PPP6R2: variants seen among roughly 807,000 people sequenced by gnomAD.
PPP6R2 encodes protein phosphatase 6 regulatory subunit 2, also known as serine/threonine-protein phosphatase 6 regulatory subunit 2.
A neutral mutation model predicts 100.2 loss-of-function variants in PPP6R2; 62 were observed. The observed-to-expected ratio is 0.62, with a 90% CI of 0.50 to 0.76. PPP6R2 has a LOEUF of 0.76. PPP6R2 is among the 30% of genes least tolerant of loss of function. PPP6R2 has a pLI of 0.00. For missense variants in PPP6R2, 1,142 were observed against 1,276.3 expected, an observed-to-expected ratio of 0.89 and a Z score of 1.60; for synonymous variants, 525 against 514.7, an observed-to-expected ratio of 1.02 and a Z score of -0.27.
rs144577592 is a variant in PPP6R2, at chr22:50,406,204, G to A, written c.228-485G>A. Among the ~76,000 whole-genome samples, 193 of 144,234 alleles carry A rather than the reference G, an allele frequency of 1.3e-3. 1 individual carries two copies. Among genetic ancestry groups the A allele is most frequent in the African/African-American group, 5.0e-3 (188 of 37,956 alleles). The allele number at this position is 144,234 out of a possible 152,430, so 94.6% of individuals were successfully genotyped here. A position where few individuals can be genotyped will look rare whatever the true frequency, so the allele number is the denominator to read the frequency against. ...AGAGGTGAGAGGCCTGGAGAGAGGTGAGAGACCTGGAGAGAGGCGAGAGGC... is the reference window on the plus strand; with the variant it reads ...AGAGGTGAGAGGCCTGGAGAGAGGTAAGAGACCTGGAGAGAGGCGAGAGGC... On this transcript the variant is annotated intron_variant, in intron 3 of 23. Coordinates refer to ENST00000612753, the MANE Select transcript of PPP6R2 (RefSeq NM_001242898.2).
chr22:50,359,001 C>A (rs868774258), intron 1 of PPP6R2, among the ~76,000 whole-genome samples: 1 of 107,086 alleles, frequency 9.3e-6, no homozygotes, highest in South Asian at 4.0e-4. Context: ...CCCCCCCCCC[C>A]CCCCCAACTC....
At chr22:50,421,271 TGTGATAGAGG>T (rs1329170147) in intron 8 of PPP6R2, among the ~76,000 whole-genome samples, 1 of 152,230 alleles carries the variant, frequency 6.6e-6, no homozygotes, top group Admixed American at 6.5e-5. Context: ...TAACCCTGTA[TGTGATAGAGG>T]GGACTGTGTA....
At chr22:50,331,737 C>T in the PPP6R2 span, among the ~76,000 whole-genome samples, 14 of 152,154 alleles carry the variant, frequency 9.2e-5, no homozygotes, top group African/African-American at 3.4e-4. Context: ...ATTCTCCTGC[C>T]TCAGCCTCCC....
intron 2 of PPP6R2, among the ~76,000 whole-genome samples, chr22:50,392,482 C>T (rs1031962325): frequency 3.9e-5 from 6 of 152,214 alleles, no homozygotes; most frequent in Non-Finnish European, 7.3e-5. Flanking sequence ...ACCTCTAAGC[C>T]CATGGGCAGT....
intron 1 of PPP6R2, among the ~76,000 whole-genome samples, chr22:50,348,652 G>C (rs551425136): frequency 6.6e-6 from 1 of 152,244 alleles, no homozygotes; most frequent in South Asian, 2.1e-4. Context: ...TGAGAAGTCC[G>C]AGGGTCACTA....
upstream of PPP6R2, among the ~76,000 whole-genome samples, chr22:50,342,092 G>C (rs922540472): frequency 9.9e-5 from 15 of 152,164 alleles, no homozygotes; most frequent in African/African-American, 3.6e-4. Context: ...ACGTGCTCAC[G>C]GCAGCAGGAG....
Position 50,414,656 on chromosome 22 carries a change from G to A in PPP6R2, c.519G>A (p.Val173=). The A allele has an allele frequency of 6.2e-7, 1 of 1,613,158 alleles. No individual in the cohort carries two copies. Among genetic ancestry groups the A allele is most frequent in the Non-Finnish European group, 8.5e-7 (1 of 1,179,962 alleles). Residue 173 remains valine (V), a synonymous_variant, in exon 5 of 24, where the codon GTG becomes GTA. Transcript: ENST00000612753. The part of the protein sequence containing the change: ...MDLLLRLVSC[V]EPAGLRQDVL... ...TGCTGCTGCGCCTGGTCAGCTGTGT[G>A]GAGCCAGCCGGGCTCCGGCAGGACG...
intron 3 of PPP6R2, among the ~76,000 whole-genome samples, chr22:50,401,288 A>G (rs1603231212): frequency 6.6e-6 from 1 of 151,644 alleles, no homozygotes; most frequent in African/African-American, 2.4e-5. Context: ...GCTCACTGCA[A>G]CCTTCACCTC....
chr22:50,340,982 C>T (rs2042364227), upstream of PPP6R2, among the ~76,000 whole-genome samples: 1 of 152,110 alleles, frequency 6.6e-6, no homozygotes, highest in South Asian at 2.1e-4. Flanking sequence ...GTGATCTTGG[C>T]TCGCTGCAAC....
At chr22:50,433,450 C>T (rs1220142948) in intron 12 of PPP6R2, among the ~76,000 whole-genome samples, 7 of 43,524 alleles carry the variant, frequency 1.6e-4, no homozygotes, top group East Asian at 2.3e-3. Context: ...GGGCACTTGC[C>T]CTGGAGGTGA....
upstream of PPP6R2, among the ~76,000 whole-genome samples, chr22:50,339,437 G>A (rs567122432): frequency 1.1e-4 from 12 of 104,756 alleles, no homozygotes; most frequent in South Asian, 7.2e-4. Context: ...GTGTGTTTAC[G>A]GTGTGTGTTG....
chr22:50,444,310 C>T lies in PPP6R2; in HGVS notation c.*63C>T. ...CTGCCTCCTTAATCGAGAAAACTAC[C>T]TGGTGATGCAATCTTTTTTTTTTTT... On this transcript the variant is annotated 3_prime_UTR_variant, in exon 24 of 24. Coordinates refer to ENST00000612753, the MANE Select transcript of PPP6R2 (RefSeq NM_001242898.2). 1 of 1,509,732 alleles carries T rather than the reference C, an allele frequency of 6.6e-7. No individual in the cohort carries two copies. Among genetic ancestry groups the T allele is most frequent in the Non-Finnish European group, 9.0e-7 (1 of 1,114,548 alleles). The allele number at this position is 1,509,732 out of a possible 1,614,324, so 93.5% of individuals were successfully genotyped here. A position where few individuals can be genotyped will look rare whatever the true frequency, so the allele number is the denominator to read the frequency against.
intron 4 of PPP6R2, among the ~76,000 whole-genome samples, chr22:50,414,342 C>A (rs956058333): frequency 1.2e-4 from 8 of 64,416 alleles, no homozygotes; most frequent in East Asian, 3.3e-4. Flanking sequence ...CCCCCCCCCC[C>A]CCCCCCCCGC....
chr22:50,438,296 C>T lies in PPP6R2; in HGVS notation c.1962C>T (p.Pro654=). 1 of 1,611,114 alleles carries T rather than the reference C, an allele frequency of 6.2e-7. No individual in the cohort carries two copies. Among genetic ancestry groups the T allele is most frequent in the Non-Finnish European group, 8.5e-7 (1 of 1,178,700 alleles). ...TRCAARVMAR[P]RFGAPHASES... ...GTGCTGCCCGGGTGATGGCCAGACC[C>T]AGGTGCGGGGCCTGCCCATCCCCAC... Residue 654 remains proline, a splice_region_variant and synonymous_variant, in exon 18 of 24, where the codon CCC becomes CCT. Coordinates refer to ENST00000612753, the MANE Select transcript of PPP6R2 (RefSeq NM_001242898.2).
chr22:50,437,479 GTCCCTCCC>G lies in PPP6R2; in HGVS notation c.1684-10_1684-3del, dbSNP rs369985953. The G allele has an allele frequency of 2.6e-5, 20 of 776,286 alleles. No individual in the cohort carries two copies. The highest frequency in any genetic ancestry group is 4.1e-5 in the South Asian group (3 of 72,884). 48.1% of individuals were successfully genotyped at this position (776,286 alleles called of 1,614,324 possible). A position where few individuals can be genotyped will look rare whatever the true frequency, so the allele number is the denominator to read the frequency against. ...CCTCCTCCATGACCGGTGTCTGTCCGTCCCTCCCTCCCTCCCTCCCTCCCAGGCCTTCT... is the reference window on the plus strand; with the variant it reads ...CCTCCTCCATGACCGGTGTCTGTCCGTCCCTCCCTCCCTCCCAGGCCTTCT... On this transcript the variant is annotated intron_variant, in intron 15 of 23. Transcript: ENST00000612753.
At chr22:50,366,726 G>A (rs2048839710) in intron 1 of PPP6R2, among the ~76,000 whole-genome samples, 1 of 151,982 alleles carries the variant, frequency 6.6e-6, no homozygotes, top group African/African-American at 2.4e-5. Context: ...AGCATTTGCT[G>A]TGAGCTCTGC....
chr22:50,381,994 G>T (rs1395021721), intron 2 of PPP6R2, among the ~76,000 whole-genome samples: 1 of 151,504 alleles, frequency 6.6e-6, no homozygotes, highest in East Asian at 1.9e-4. Flanking sequence ...CTTTATTCTT[G>T]TAAGGAAAAG....
At chr22:50,369,277 CTG>C in intron 1 of PPP6R2, among the ~76,000 whole-genome samples, 1 of 148,356 alleles carries the variant, frequency 6.7e-6, no homozygotes, top group South Asian at 2.2e-4. Context: ...ATTTTGAAAA[CTG>C]TATAAAGTTT....
intron 1 of PPP6R2, among the ~76,000 whole-genome samples, chr22:50,347,008 G>A (rs2043926026): frequency 6.6e-6 from 1 of 150,808 alleles, no homozygotes; most frequent in Non-Finnish European, 1.5e-5. Flanking sequence ...GATCTTCTCT[G>A]TCAGTGCCCC....
Sources: gnomAD v4.1 joint callset for allele counts (sites outside exome capture counted in the v4.1 genomes callset) on GRCh38, gnomAD v4.1.1 for gene constraint, MANE v1.5 for transcripts, NCBI Gene and HGNC (gene_info 2026-07-23, HGNC 2026-07-21) for gene names.